The following VTI1A variants were observed in gnomAD, a reference collection of about 807,000 sequenced individuals.
VTI1A encodes the protein vesicle transport through interaction with t-SNAREs homolog 1A.
Under a neutral mutation model 34.9 loss-of-function variants are expected in VTI1A, and 22 were observed. That is an observed-to-expected ratio of 0.63 (90% CI 0.45 to 0.90). The LOEUF (loss-of-function observed/expected upper bound fraction) is 0.90, where lower values mean the gene tolerates loss of function less well. VTI1A is among the 40% of genes least tolerant of loss of function. The pLI, the probability that VTI1A is intolerant of heterozygous loss-of-function variation, is 0.00. For missense variants in VTI1A, 268 were observed against 275.6 expected (o/e 0.97, Z 0.20); for synonymous variants, 87 against 97.3 (o/e 0.89, Z 0.62).
At chr10:112,788,558 T>G (rs1325130502) in intron 7 of VTI1A, among the ~76,000 whole-genome samples, 1 of 152,234 alleles carries the variant, frequency 6.6e-6, no homozygotes, top group Non-Finnish European at 1.5e-5. Flanking sequence ...ACAGACAGGA[T>G]AAAGTTGGGT....
chr10:112,542,993 C>A lies in VTI1A; in HGVS notation c.427+4663C>A, dbSNP rs140509221. ...GTTTCAAGCTTCATCCATGTGCCTA[C>A]AAAGGACATGAACTCCTCCTTTTTT... On this transcript the variant is annotated intron_variant, in intron 5 of 7. Transcript: ENST00000393077. 2.7e-3 allele frequency among the ~76,000 whole-genome samples: 409 copies of A among 152,258 alleles called. 2 individuals are homozygous for A. Among genetic ancestry groups the A allele is most frequent in the African/African-American group, 9.3e-3 (385 of 41,558 alleles).
chr10:112,592,598 A>G (rs1485610925), intron 5 of VTI1A, among the ~76,000 whole-genome samples: 1 of 152,208 alleles, frequency 6.6e-6, no homozygotes, highest in Non-Finnish European at 1.5e-5. Flanking sequence ...CACTTGATCT[A>G]TCCGTGCTTT....
intron 1 of VTI1A, chr10:112,449,427 C>T (rs1460440833): frequency 6.6e-6 from 1 of 152,100 alleles, no homozygotes; most frequent in Non-Finnish European, 1.5e-5. Context: ...ATTCTTAACA[C>T]ATAGAAGGAA....
At chr10:112,654,058 A>G (rs1482225268) in intron 5 of VTI1A, among the ~76,000 whole-genome samples, 1 of 152,214 alleles carries the variant, frequency 6.6e-6, no homozygotes, top group East Asian at 1.9e-4. Flanking sequence ...TCTGTATTTT[A>G]GAAACTCCCG....
intron 5 of VTI1A, among the ~76,000 whole-genome samples, chr10:112,577,428 A>G (rs1843753072): frequency 6.6e-6 from 1 of 152,240 alleles, no homozygotes; most frequent in South Asian, 2.1e-4. Context: ...ATTGAAGTAT[A>G]TACCACCAAG....
chr10:112,595,292 A>G (rs1268786497), intron 5 of VTI1A, among the ~76,000 whole-genome samples: 1 of 149,118 alleles, frequency 6.7e-6, no homozygotes, highest in Non-Finnish European at 1.5e-5. Context: ...AATGGCAACA[A>G]AAGCCAAAAT....
chr10:112,551,233 T>G (rs978748665), intron 5 of VTI1A, among the ~76,000 whole-genome samples: 30 of 109,514 alleles, frequency 2.7e-4, no homozygotes, highest in South Asian at 1.6e-3. Flanking sequence ...GGCACAGCGA[T>G]ACTCCATCTC....
At chr10:112,761,350 A>G (rs1851456740) in intron 7 of VTI1A, among the ~76,000 whole-genome samples, 1 of 152,168 alleles carries the variant, frequency 6.6e-6, no homozygotes, top group Non-Finnish European at 1.5e-5. Context: ...ATTTCGGTCT[A>G]ACAGCCTTAG....
At chr10:112,518,530 T>A (rs1345554554) in intron 3 of VTI1A, among the ~76,000 whole-genome samples, 1 of 146,904 alleles carries the variant, frequency 6.8e-6, no homozygotes, top group Non-Finnish European at 1.5e-5. Flanking sequence ...GGCAGCATGG[T>A]GAGACCTCAT....
intron 5 of VTI1A, among the ~76,000 whole-genome samples, chr10:112,581,314 G>C (rs987852262): frequency 3.3e-5 from 5 of 152,182 alleles, no homozygotes; most frequent in African/African-American, 1.2e-4. Flanking sequence ...CTTGTCCACT[G>C]TTACTTGCCC....
intron 5 of VTI1A, among the ~76,000 whole-genome samples, chr10:112,573,046 G>A (rs1852202462): frequency 1.3e-5 from 2 of 151,930 alleles, no homozygotes; most frequent in African/African-American, 4.8e-5. Flanking sequence ...CCCAACTCCT[G>A]TAGTGCTTTA....
chr10:112,620,099 G>A (rs1845671892), intron 5 of VTI1A, among the ~76,000 whole-genome samples: 1 of 152,184 alleles, frequency 6.6e-6, no homozygotes, highest in South Asian at 2.1e-4. Context: ...TTTAAGCCTG[G>A]TAAGTAACTT....
At chr10:112,632,654 A>G (rs1589999030) in intron 5 of VTI1A, among the ~76,000 whole-genome samples, 1 of 152,172 alleles carries the variant, frequency 6.6e-6, no homozygotes, top group East Asian at 1.9e-4. Context: ...ACTTCTGACT[A>G]TAGTGTACCG....
At chr10:112,518,587 CTCTATATA>C (rs1337163999) in intron 3 of VTI1A, among the ~76,000 whole-genome samples, 2,683 of 93,564 alleles carry the variant, frequency 0.029, 21 homozygotes, top group Non-Finnish European at 0.039. Context: ...CTCTCTCTCT[CTCTATATA>C]TATATATATA....
chr10:112,843,520 A>T, the VTI1A span, among the ~76,000 whole-genome samples: 7 of 152,338 alleles, frequency 4.6e-5, no homozygotes, highest in Admixed American at 6.5e-5. Flanking sequence ...CTCTAAACTG[A>T]TGATTGGAAA....
the VTI1A span, among the ~76,000 whole-genome samples, chr10:112,828,882 A>G: frequency 6.6e-6 from 1 of 151,826 alleles, no homozygotes; most frequent in Non-Finnish European, 1.5e-5. Context: ...ACACACACAT[A>G]AGAATAAATA....
the VTI1A span, among the ~76,000 whole-genome samples, chr10:112,845,331 G>T: frequency 6.6e-6 from 1 of 152,226 alleles, no homozygotes; most frequent in Non-Finnish European, 1.5e-5. Flanking sequence ...AATCCTGGGG[G>T]CAGCACATTC....
At position 112,815,804 on chromosome 10, in the gene VTI1A, A is replaced by C; in HGVS notation, c.*421A>C. ...GCTCTTCTGTGATGTCTGAGGATAA[A>C]AATGCAGCAAAAAGCAGGGGATGGA... is the stretch of plus-strand genomic sequence containing the variant. On this transcript the variant is annotated 3_prime_UTR_variant, in exon 8 of 8. Transcript: ENST00000393077. 1 of 259,024 alleles carries C rather than the reference A, an allele frequency of 3.9e-6. No homozygotes were observed. The highest frequency in any genetic ancestry group is 7.5e-6 in the Non-Finnish European group (1 of 133,912). The allele number at this position is 259,024 out of a possible 1,614,324, so 16.0% of individuals were successfully genotyped here.
chr10:112,797,734 T>G (rs1852720752), intron 7 of VTI1A, among the ~76,000 whole-genome samples: 1 of 152,210 alleles, frequency 6.6e-6, no homozygotes, highest in South Asian at 2.1e-4. Flanking sequence ...TTTTAGTGCC[T>G]GTGTATGAAC....
Sources: gnomAD v4.1 joint callset for allele counts (sites outside exome capture counted in the v4.1 genomes callset) on GRCh38, gnomAD v4.1.1 for gene constraint, MANE v1.5 for transcripts, NCBI Gene and HGNC (gene_info 2026-07-23, HGNC 2026-07-21) for gene names.